The following GALNTL6 variants were observed in gnomAD, a reference collection of about 807,000 sequenced individuals.
The protein encoded by GALNTL6 is polypeptide N-acetylgalactosaminyltransferase-like 6.
A neutral mutation model predicts 73.7 loss-of-function variants in GALNTL6; 46 were observed. The observed-to-expected ratio is 0.62, with a 90% CI of 0.49 to 0.80. The LOEUF (loss-of-function observed/expected upper bound fraction) is 0.80, where lower values mean the gene tolerates loss of function less well. Among genes scored for constraint, GALNTL6 ranks in the 30% least tolerant of loss-of-function variants. The pLI is 0.00. For synonymous variants in GALNTL6, 259 were observed against 263.7 expected (o/e 0.98, Z 0.17); for missense variants, 604 against 755.0 (o/e 0.80, Z 2.34).
chr4:172,956,858 G>A (rs1579705856), intron 10 of GALNTL6, among the ~76,000 whole-genome samples: 1 of 152,210 alleles, frequency 6.6e-6, no homozygotes, highest in East Asian at 1.9e-4. Flanking sequence ...ATTGAGGACA[G>A]TAAGGGATAT....
At chr4:171,876,172 A>G (rs1736272330) in intron 2 of GALNTL6, among the ~76,000 whole-genome samples, 1 of 151,610 alleles carries the variant, frequency 6.6e-6, no homozygotes, top group African/African-American at 2.4e-5. Flanking sequence ...TTTTAAAAGT[A>G]GAAATGGCAT....
chr4:172,836,634 A>G (rs1464203414), intron 7 of GALNTL6, among the ~76,000 whole-genome samples: 1 of 152,254 alleles, frequency 6.6e-6, no homozygotes, highest in Non-Finnish European at 1.5e-5. Context: ...GTCATTATCA[A>G]TTAGCCAAAT....
At chr4:172,933,300 C>T (rs1748448783) in intron 9 of GALNTL6, among the ~76,000 whole-genome samples, 1 of 151,976 alleles carries the variant, frequency 6.6e-6, no homozygotes, top group South Asian at 2.1e-4. Flanking sequence ...ATGCTTGCTT[C>T]GTAGTCTAAA....
At chr4:172,023,945 T>C (rs766752040) in intron 2 of GALNTL6, among the ~76,000 whole-genome samples, 5 of 151,880 alleles carry the variant, frequency 3.3e-5, no homozygotes, top group Non-Finnish European at 7.4e-5. Flanking sequence ...AAAGCATTTT[T>C]TGTTCTAAGA....
chr4:171,992,982 C>T (rs1278448283), intron 2 of GALNTL6, among the ~76,000 whole-genome samples: 1 of 151,262 alleles, frequency 6.6e-6, no homozygotes, highest in Non-Finnish European at 1.5e-5. Flanking sequence ...CTCAGAGTTG[C>T]TTCTTTGTTT....
chr4:172,572,160 T>C (rs1736786320), intron 5 of GALNTL6, among the ~76,000 whole-genome samples: 1 of 152,214 alleles, frequency 6.6e-6, no homozygotes, highest in Admixed American at 6.5e-5. Flanking sequence ...TGCTACAGTC[T>C]GTGCTCTCTG....
intron 2 of GALNTL6, among the ~76,000 whole-genome samples, chr4:171,913,402 G>T (rs1380040095): frequency 6.6e-6 from 1 of 152,152 alleles, no homozygotes; most frequent in Non-Finnish European, 1.5e-5. Flanking sequence ...GCAGTGGGCT[G>T]TAATGCAAAA....
At chr4:172,405,736 AC>A (rs1744217099) in intron 5 of GALNTL6, among the ~76,000 whole-genome samples, 1 of 151,538 alleles carries the variant, frequency 6.6e-6, no homozygotes, top group Non-Finnish European at 1.5e-5. Flanking sequence ...AGTAACCAAA[AC>A]TGCTCATCAA....
chr4:171,822,995 A>C (rs1036107770), intron 2 of GALNTL6, among the ~76,000 whole-genome samples: 5 of 152,200 alleles, frequency 3.3e-5, no homozygotes, highest in African/African-American at 9.6e-5. Context: ...AACTGAATTC[A>C]CAAGTAAGGA....
chr4:172,226,552 A>T (rs2110960085), intron 2 of GALNTL6, among the ~76,000 whole-genome samples: 1 of 148,064 alleles, frequency 6.8e-6, no homozygotes, highest in South Asian at 2.2e-4. Flanking sequence ...TAAAGGAAAG[A>T]AGTTCTGTGT....
chr4:172,973,666 G>A (rs1484884888), intron 10 of GALNTL6, among the ~76,000 whole-genome samples: 1 of 152,128 alleles, frequency 6.6e-6, no homozygotes, highest in Non-Finnish European at 1.5e-5. Context: ...GATAACCAGA[G>A]GAATGTAAAT....
At chr4:172,741,773 G>T (rs1295091680) in intron 5 of GALNTL6, among the ~76,000 whole-genome samples, 3 of 151,918 alleles carry the variant, frequency 2.0e-5, no homozygotes, top group Admixed American at 1.3e-4. Flanking sequence ...TAGATAACAA[G>T]TGAAGACAGT....
At chr4:172,676,390 G>A (rs1732302693) in intron 5 of GALNTL6, among the ~76,000 whole-genome samples, 1 of 152,114 alleles carries the variant, frequency 6.6e-6, no homozygotes, top group South Asian at 2.1e-4. Flanking sequence ...ACACAAAATG[G>A]TCATGGCAAT....
intron 5 of GALNTL6, among the ~76,000 whole-genome samples, chr4:172,515,638 G>A (rs979407543): frequency 2.6e-4 from 39 of 152,220 alleles, no homozygotes; most frequent in Admixed American, 6.5e-5. Flanking sequence ...GAGGCCTCAG[G>A]GGAGTTCTGC....
chr4:172,164,939 A>G (rs1444592610), intron 2 of GALNTL6, among the ~76,000 whole-genome samples: 1 of 152,098 alleles, frequency 6.6e-6, no homozygotes, highest in African/African-American at 2.4e-5. Context: ...AGCTTCATGT[A>G]GAGGATTAAT....
At chr4:172,783,040 T>C (rs1225143791) in intron 5 of GALNTL6, among the ~76,000 whole-genome samples, 1 of 151,792 alleles carries the variant, frequency 6.6e-6, no homozygotes, top group African/African-American at 2.4e-5. Context: ...TGTAAAACAC[T>C]ATCTCATTTC....
At chr4:172,038,117 C>CAAAAA (rs5864107) in intron 2 of GALNTL6, among the ~76,000 whole-genome samples, 1 of 146,020 alleles carries the variant, frequency 6.8e-6, no homozygotes. Context: ...GACTCTGTCT[C>CAAAAA]AAAAAAAAAA....
At chr4:172,206,377 G>C (rs1206636558) in intron 2 of GALNTL6, among the ~76,000 whole-genome samples, 1 of 152,200 alleles carries the variant, frequency 6.6e-6, no homozygotes, top group Non-Finnish European at 1.5e-5. Context: ...GTGCTCCCCA[G>C]ATGCTCATGG....
At chr4:172,476,327 G>C (rs541644003) in intron 5 of GALNTL6, among the ~76,000 whole-genome samples, 3 of 152,280 alleles carry the variant, frequency 2.0e-5, no homozygotes, top group Non-Finnish European at 4.4e-5. Context: ...TTGCATTCAT[G>C]TGGTGTTCAC....
Sources: gnomAD v4.1 joint callset for allele counts (sites outside exome capture counted in the v4.1 genomes callset) on GRCh38, gnomAD v4.1.1 for gene constraint, MANE v1.5 for transcripts, NCBI Gene and HGNC (gene_info 2026-07-23, HGNC 2026-07-21) for gene names.